The following LARGE1 variants were observed in gnomAD, a reference collection of about 807,000 sequenced individuals.
The protein encoded by LARGE1 is LARGE xylosyl- and glucuronyltransferase 1.
In LARGE1, 43 loss-of-function variants were observed where a neutral mutation model predicts 87.6. The observed-to-expected ratio is 0.49, with a 90% CI of 0.38 to 0.63. The LOEUF is 0.63. LARGE1 is among the 30% of genes least tolerant of loss of function. The probability of loss-of-function intolerance (pLI) is 0.00; values close to 1 mark genes in which losing one functional copy is unlikely to be tolerated. For synonymous variants in LARGE1, 434 were observed against 394.6 expected (o/e 1.10, Z -1.18); for missense variants, 802 against 1,000.2 (o/e 0.80, Z 2.67).
chr22:33,721,225 G>A (rs932579058), intron 2 of LARGE1, among the ~76,000 whole-genome samples: 1 of 152,184 alleles, frequency 6.6e-6, no homozygotes, highest in Non-Finnish European at 1.5e-5. Context: ...CTTAAGACTT[G>A]CTAGTTCTAC....
chr22:33,571,499 G>A (rs1227567096), intron 5 of LARGE1, among the ~76,000 whole-genome samples: 1 of 152,132 alleles, frequency 6.6e-6, no homozygotes, highest in East Asian at 1.9e-4. Context: ...CAATGGTGAT[G>A]ACACATTTCT....
chr22:33,142,240 C>A, the LARGE1 span, among the ~76,000 whole-genome samples: 64,079 of 151,966 alleles, frequency 0.42, 13,958 homozygotes, highest in South Asian at 0.68. Flanking sequence ...TGTGCTGCTC[C>A]TTCTGGTCTT....
chr22:33,295,728 G>A (rs1933160328), intron 12 of LARGE1, among the ~76,000 whole-genome samples: 1 of 152,160 alleles, frequency 6.6e-6, no homozygotes, highest in African/African-American at 2.4e-5. Context: ...GAGCTTTGTG[G>A]GGACAACAGC....
At chr22:33,146,457 G>A in the LARGE1 span, among the ~76,000 whole-genome samples, 55 of 152,216 alleles carry the variant, frequency 3.6e-4, no homozygotes, top group African/African-American at 1.2e-3. Context: ...TTCCAATGAC[G>A]TGTAAGTTAG....
chr22:33,505,584 G>A (rs999703267), intron 6 of LARGE1, among the ~76,000 whole-genome samples: 4 of 152,160 alleles, frequency 2.6e-5, no homozygotes, highest in East Asian at 1.9e-4. Context: ...AGAACAAAGG[G>A]AGAAGTTACA....
At chr22:33,900,368 A>G (rs2065251063) in intron 1 of LARGE1, among the ~76,000 whole-genome samples, 1 of 152,190 alleles carries the variant, frequency 6.6e-6, no homozygotes, top group Non-Finnish European at 1.5e-5. Flanking sequence ...AGGACTTACA[A>G]TTGAAAATTC....
At chr22:33,584,466 A>G (rs1013514426) in intron 5 of LARGE1, among the ~76,000 whole-genome samples, 3 of 152,158 alleles carry the variant, frequency 2.0e-5, no homozygotes, top group African/African-American at 7.2e-5. Flanking sequence ...TCCCTATTTC[A>G]TTAGTTTTCA....
chr22:33,876,247 C>T (rs1363966566), intron 1 of LARGE1, among the ~76,000 whole-genome samples: 1 of 152,064 alleles, frequency 6.6e-6, no homozygotes, highest in Non-Finnish European at 1.5e-5. Context: ...AACTGGACCC[C>T]CATACTGGTC....
chr22:33,514,559 A>T (rs2071211004), intron 6 of LARGE1, among the ~76,000 whole-genome samples: 2 of 152,222 alleles, frequency 1.3e-5, no homozygotes, highest in Admixed American at 6.5e-5. Context: ...TAAGTAATTT[A>T]GAGATGATTT....
intron 1 of LARGE1, among the ~76,000 whole-genome samples, chr22:33,809,149 G>A (rs1366642850): frequency 6.6e-6 from 1 of 151,982 alleles, no homozygotes; most frequent in South Asian, 2.1e-4. Context: ...GTGGGTGCCT[G>A]TAATCCCAGC....
At chr22:33,225,076 A>C (rs539339856) in intron 11 of LARGE1, among the ~76,000 whole-genome samples, 1 of 152,216 alleles carries the variant, frequency 6.6e-6, no homozygotes, top group Non-Finnish European at 1.5e-5. Context: ...AGGGATGTCA[A>C]ATGGCTCATT....
intron 5 of LARGE1, among the ~76,000 whole-genome samples, chr22:33,571,139 ACTT>A (rs2078190020): frequency 2.0e-5 from 3 of 152,316 alleles, no homozygotes; most frequent in African/African-American, 7.2e-5. Context: ...CATGGTCTAA[ACTT>A]CAATCAGCAA....
At chr22:33,410,017 T>C (rs188030513) in intron 7 of LARGE1, among the ~76,000 whole-genome samples, 155 of 152,222 alleles carry the variant, frequency 1.0e-3, no homozygotes, top group African/African-American at 3.7e-3. Flanking sequence ...ATGGTGTCTT[T>C]ATAATGCAGG....
the LARGE1 span, among the ~76,000 whole-genome samples, chr22:33,078,092 T>A: frequency 6.6e-6 from 1 of 152,162 alleles, no homozygotes; most frequent in African/African-American, 2.4e-5. Context: ...TGTAATCAAT[T>A]TTCTCCGGTG....
chr22:33,558,908 G>A (rs2148746519), intron 6 of LARGE1, among the ~76,000 whole-genome samples: 1 of 152,284 alleles, frequency 6.6e-6, no homozygotes, highest in South Asian at 2.1e-4. Context: ...ATTCACTCTG[G>A]CAGGAGTCCT....
At chr22:33,457,925 T>C (rs1168330644) in intron 6 of LARGE1, among the ~76,000 whole-genome samples, 2 of 152,146 alleles carry the variant, frequency 1.3e-5, no homozygotes, top group Non-Finnish European at 2.9e-5. Context: ...GCTTACCCAC[T>C]GGCCAAGTGT....
intron 1 of LARGE1, among the ~76,000 whole-genome samples, chr22:33,843,772 T>C (rs2146439143): frequency 6.6e-6 from 1 of 152,234 alleles, no homozygotes; most frequent in South Asian, 2.1e-4. Context: ...TGCAACTCTG[T>C]TCCCACAGTC....
chr22:33,396,639 T>C (rs2065756285), intron 7 of LARGE1, among the ~76,000 whole-genome samples: 1 of 152,114 alleles, frequency 6.6e-6, no homozygotes, highest in Admixed American at 6.6e-5. Flanking sequence ...ATATATATTT[T>C]AGCAACACAG....
intron 1 of LARGE1, among the ~76,000 whole-genome samples, chr22:33,787,365 C>T (rs529174725): frequency 6.6e-6 from 1 of 152,248 alleles, no homozygotes; most frequent in Admixed American, 6.5e-5. Flanking sequence ...CTACGCTCCT[C>T]CTACCAAGAC....
Sources: gnomAD v4.1 joint callset for allele counts (sites outside exome capture counted in the v4.1 genomes callset) on GRCh38, gnomAD v4.1.1 for gene constraint, MANE v1.5 for transcripts, NCBI Gene and HGNC (gene_info 2026-07-23, HGNC 2026-07-21) for gene names.